The following EDRF1 variants were observed in gnomAD, a reference collection of about 807,000 sequenced individuals.
The protein encoded by EDRF1 is erythroid differentiation regulatory factor 1, also known as erythroid differentiation-related factor 1.
In EDRF1, 69 loss-of-function variants were observed where a neutral mutation model predicts 148.7. The ratio of observed to expected loss-of-function variants is 0.46; its 90% CI spans 0.38 to 0.57. The LOEUF is 0.57. Ranked by LOEUF, EDRF1 falls within the 20% of genes least tolerant of loss-of-function variation. The pLI, the probability that EDRF1 is intolerant of heterozygous loss-of-function variation, is 0.00. For synonymous variants in EDRF1, 515 were observed against 532.8 expected (o/e 0.97, Z 0.46); for missense variants, 1,118 against 1,478.7 (o/e 0.76, Z 4.00).
Position 125,763,453 on chromosome 10 carries a change from G to A in EDRF1, c.3698G>A (p.Ser1233Asn). Residue 1233 changes from serine (S) to asparagine (N), a missense_variant, in exon 25 of 25, where the codon AGC (serine) becomes AAC (asparagine). Coordinates refer to ENST00000356792, the MANE Select transcript of EDRF1 (RefSeq NM_001202438.2). The surrounding 1 kb of genome is among the most constrained non-coding windows in gnomAD (Gnocchi z 4.3). ...LGQLAAGSAA[S>N]SNAVQ ...CAGCTTGCCGCCGGCAGTGCAGCGA[G>A]CAGCAATGCCGTTCAGTGACTGCAC... The A allele has an allele frequency of 1.2e-6, 2 of 1,608,284 alleles. No individual in the cohort carries two copies. Among genetic ancestry groups the A allele is most frequent in the Non-Finnish European group, 1.7e-6 (2 of 1,179,986 alleles).
chr10:125,752,992 TGTATGTGTGTGG>T lies in EDRF1; in HGVS notation c.3393+83_3393+94del, dbSNP rs1370438431. The T allele has an allele frequency of 6.2e-6, 6 of 968,332 alleles. No individual in the cohort carries two copies. The African/African-American group carries it at 6.4e-5, about 10-fold the overall frequency. 60.0% of individuals were successfully genotyped at this position (968,332 alleles called of 1,614,324 possible). A position where few individuals can be genotyped will look rare whatever the true frequency, so the allele number is the denominator to read the frequency against. ...TGAATGTATATAGTGGACGTGTGTGTGTATGTGTGTGGGTATATATACACACATGTACATATG... is the reference window on the plus strand; with the variant it reads ...TGAATGTATATAGTGGACGTGTGTGTGTATATATACACACATGTACATATG... On this transcript the variant is annotated intron_variant, in intron 23 of 24. Transcript: ENST00000356792.
intron 3 of EDRF1, among the ~76,000 whole-genome samples, chr10:125,723,423 G>T (rs1239279324): frequency 6.6e-6 from 1 of 152,104 alleles, no homozygotes; most frequent in Non-Finnish European, 1.5e-5. Flanking sequence ...TAGTGTTTGG[G>T]ATTATTCTGT....
At chr10:125,750,071 G>C (rs1849562620) in intron 22 of EDRF1, among the ~76,000 whole-genome samples, 1 of 152,168 alleles carries the variant, frequency 6.6e-6, no homozygotes, top group African/African-American at 2.4e-5. Flanking sequence ...AACCCAGGAG[G>C]CGAAGGTTGC....
chr10:125,757,801 C>G (rs1849987925), intron 24 of EDRF1, among the ~76,000 whole-genome samples: 1 of 152,162 alleles, frequency 6.6e-6, no homozygotes, highest in Non-Finnish European at 1.5e-5. Flanking sequence ...GCTGTGTTTC[C>G]TACTTTTGTT....
At chr10:125,761,448 A>G (rs1417593233) in intron 24 of EDRF1, 1 of 184,918 alleles carries the variant, frequency 5.4e-6, no homozygotes, top group East Asian at 1.6e-4. Context: ...CATAAAAAGT[A>G]GAAGTAATCT....
chr10:125,752,402 T>G (rs1589868832), intron 22 of EDRF1, among the ~76,000 whole-genome samples: 1 of 152,298 alleles, frequency 6.6e-6, no homozygotes, highest in South Asian at 2.1e-4. Flanking sequence ...CTTCCTGCCT[T>G]TGAACAGAGA....
At chr10:125,761,902 T>C (rs1850210237) in intron 24 of EDRF1, among the ~76,000 whole-genome samples, 1 of 152,152 alleles carries the variant, frequency 6.6e-6, no homozygotes, top group South Asian at 2.1e-4. Context: ...ACTGTCAGAG[T>C]AATTTAAATT....
intron 7 of EDRF1, 96 bp downstream of exon 7, chr10:125,729,200 A>C: frequency 6.9e-7 from 1 of 1,451,298 alleles, no homozygotes; most frequent in Non-Finnish European, 9.4e-7. Context: ...GAAAAACTCC[A>C]CTTGATCCTG....
At chr10:125,748,099 T>A in intron 21 of EDRF1, 87 bp downstream of exon 21, 1 of 1,503,418 alleles carries the variant, frequency 6.7e-7, no homozygotes, top group Non-Finnish European at 9.2e-7. Context: ...GTCATATATG[T>A]CTTCCTTGAC....
intron 4 of EDRF1, 40 bp from the exon 5 acceptor site, chr10:125,725,278 A>G (rs751576121): frequency 1.9e-5 from 30 of 1,612,610 alleles, no homozygotes; most frequent in South Asian, 6.6e-5. Flanking sequence ...TGTTTCGACT[A>G]TGTGTGTTGT....
At position 125,740,933 on chromosome 10, in the gene EDRF1, A is replaced by G. The variant is rs949523113; in HGVS notation, c.2171-68A>G. Reference sequence around the variant, plus strand: ...GTTCAGCTGGTAACACAGTTTCTTCATATTTCCTATGATCATTAATTTTTT... The same window carrying G: ...GTTCAGCTGGTAACACAGTTTCTTCGTATTTCCTATGATCATTAATTTTTT... On this transcript the variant is annotated intron_variant, in intron 16 of 24. Transcript: ENST00000356792. 18 of 1,498,930 alleles carry G rather than the reference A, an allele frequency of 1.2e-5. No homozygotes were observed. In the African/African-American group the frequency reaches 1.2e-4, roughly 10 times the overall value. 92.9% of individuals were successfully genotyped at this position (1,498,930 alleles called of 1,614,324 possible). A position where few individuals can be genotyped will look rare whatever the true frequency, so the allele number is the denominator to read the frequency against.
chr10:125,730,405 A>G lies in EDRF1; in HGVS notation c.1128+6A>G. The G allele has an allele frequency of 1.2e-6, 2 of 1,604,968 alleles. No homozygotes were observed. Among genetic ancestry groups the G allele is most frequent in the Non-Finnish European group, 1.7e-6 (2 of 1,171,740 alleles). ...ATGTAAATGGAATTGTACAGGTAAGATACAGTGTGATTTTTCTGATCTCTC... is the reference window on the plus strand; with the variant it reads ...ATGTAAATGGAATTGTACAGGTAAGGTACAGTGTGATTTTTCTGATCTCTC... On this transcript the variant is annotated splice_donor_region_variant and intron_variant, in intron 9 of 24. Coordinates refer to ENST00000356792, the MANE Select transcript of EDRF1 (RefSeq NM_001202438.2).
intron 1 of EDRF1, among the ~76,000 whole-genome samples, chr10:125,720,156 G>A (rs1847913719): frequency 6.6e-6 from 1 of 152,222 alleles, no homozygotes; most frequent in Admixed American, 6.5e-5. Flanking sequence ...ATGTAAATAT[G>A]TCGTTCCAAA....
chr10:125,734,210 A>G, intron 12 of EDRF1, 27 bp downstream of exon 12: 1 of 1,514,562 alleles, frequency 6.6e-7, no homozygotes, highest in Non-Finnish European at 9.2e-7. Context: ...TGTATTCTCT[A>G]AAACAATCCT....
intron 1 of EDRF1, among the ~76,000 whole-genome samples, chr10:125,720,341 G>C (rs1033682701): frequency 6.6e-6 from 1 of 152,192 alleles, no homozygotes; most frequent in Non-Finnish European, 1.5e-5. Flanking sequence ...GAGTGTGCAA[G>C]TGCAGGCTGT....
chr10:125,733,896 A>G (rs1377545214), intron 11 of EDRF1, among the ~76,000 whole-genome samples, 153 bp downstream of exon 11: 10 of 152,146 alleles, frequency 6.6e-5, no homozygotes, highest in Non-Finnish European at 1.5e-5. Context: ...AATATTACTC[A>G]GCTTTCTTAT....
intron 22 of EDRF1, among the ~76,000 whole-genome samples, chr10:125,750,077 G>T (rs988427379): frequency 1.3e-5 from 2 of 152,152 alleles, no homozygotes; most frequent in Non-Finnish European, 2.9e-5. Context: ...GGAGGCGAAG[G>T]TTGCAGTGAG....
At chr10:125,722,030 A>G (rs1848033340) in intron 2 of EDRF1, among the ~76,000 whole-genome samples, 1 of 152,222 alleles carries the variant, frequency 6.6e-6, no homozygotes. Flanking sequence ...TGTAACTTGT[A>G]GCAAGAGGCA....
At chr10:125,747,228 G>GA (rs534999385) in intron 19 of EDRF1, 14,744 of 252,760 alleles carry the variant, frequency 0.058, no homozygotes, top group South Asian at 0.094. Context: ...CATTTAGAAA[G>GA]AAAAAAAAAA....
Sources: gnomAD v4.1 joint callset for allele counts (sites outside exome capture counted in the v4.1 genomes callset) on GRCh38, gnomAD v4.1.1 for gene constraint, Gnocchi (gnomAD v3.1) non-coding constraint, MANE v1.5 for transcripts, NCBI Gene and HGNC (gene_info 2026-07-23, HGNC 2026-07-21) for gene names.